The following ARHGEF12 variants were observed in gnomAD, a reference collection of about 807,000 sequenced individuals.
ARHGEF12 encodes the protein Rho guanine nucleotide exchange factor 12, also known as KMT2A/ARHGEF12 fusion protein.
A neutral mutation model predicts 211.2 loss-of-function variants in ARHGEF12; 66 were observed. That is an observed-to-expected ratio of 0.31 (90% CI 0.26 to 0.38). The LOEUF (loss-of-function observed/expected upper bound fraction) is 0.38, where lower values mean the gene tolerates loss of function less well. ARHGEF12 is among the 10% of genes least tolerant of loss of function. ARHGEF12 has a pLI of 1.00. For missense variants in ARHGEF12, 1,429 were observed against 1,869.5 expected (o/e 0.76, Z 4.34); for synonymous variants, 592 against 638.4 (o/e 0.93, Z 1.09).
chr11:120,459,062 A>T (rs1452352619), intron 25 of ARHGEF12, 112 bp from the exon 26 acceptor site: 1 of 904,776 alleles, frequency 1.1e-6, no homozygotes, highest in Admixed American at 3.9e-5. Context: ...TTTCTAAATG[A>T]TAAATAATTT....
chr11:120,440,094 T>C (rs1258583482), intron 12 of ARHGEF12, 35 bp from the exon 13 acceptor site: 1 of 1,476,932 alleles, frequency 6.8e-7, no homozygotes, highest in Non-Finnish European at 9.4e-7. Context: ...GACCACCAGG[T>C]AATTTTTCTG....
chr11:120,422,078 G>A (rs908964885), intron 6 of ARHGEF12, among the ~76,000 whole-genome samples: 2 of 152,238 alleles, frequency 1.3e-5, no homozygotes, highest in Admixed American at 6.5e-5. Flanking sequence ...ATGTTCTTGA[G>A]TAGGAGAGTA....
intron 13 of ARHGEF12, among the ~76,000 whole-genome samples, chr11:120,441,012 C>T (rs1036126928): frequency 3.9e-5 from 6 of 152,094 alleles, no homozygotes; most frequent in African/African-American, 9.7e-5. Context: ...AAACTAGTCT[C>T]GCATTCCTGG....
At chr11:120,441,974 G>T in intron 14 of ARHGEF12, 130 bp from the exon 15 acceptor site, 1 of 862,250 alleles carries the variant, frequency 1.2e-6, no homozygotes, top group Non-Finnish European at 1.8e-6. Context: ...TAAAGACTTG[G>T]TTATATAGTA....
intron 27 of ARHGEF12, chr11:120,465,011 A>C (rs891269239): frequency 1.1e-5 from 6 of 535,928 alleles, no homozygotes; most frequent in African/African-American, 9.8e-5. Context: ...CTCAAAAAAA[A>C]GAAAAAAAAA....
intron 10 of ARHGEF12, 117 bp downstream of exon 10, chr11:120,429,948 A>C: frequency 9.8e-6 from 11 of 1,119,960 alleles, no homozygotes; most frequent in Non-Finnish European, 1.4e-5. Context: ...GTAGGACAAC[A>C]GGATGTCCTG....
Position 120,432,876 on chromosome 11 carries a change from C to A in ARHGEF12, c.924+965C>A, listed in dbSNP as rs1393482510. Among the ~76,000 whole-genome samples, 3 of 152,040 alleles carry A rather than the reference C, an allele frequency of 2.0e-5. No individual in the cohort carries two copies. The East Asian group carries it at 5.8e-4, about 29-fold the overall frequency. ...GAGGCTTAGGCCCAATGACCCAGTT[C>A]CTCATGCAAAAAACAAACTGAGGAT... On this transcript the variant is annotated intron_variant, in intron 11 of 40. Transcript: ENST00000397843.
intron 38 of ARHGEF12, 150 bp from the exon 39 acceptor site, chr11:120,481,110 A>C (rs1475404291): frequency 7.0e-6 from 5 of 716,264 alleles, no homozygotes; most frequent in Non-Finnish European, 1.1e-5. Flanking sequence ...TGAAGTGAGG[A>C]AATTCTGATG....
At chr11:120,361,296 G>A (rs746914479) in intron 1 of ARHGEF12, among the ~76,000 whole-genome samples, 30 of 152,142 alleles carry the variant, frequency 2.0e-4, no homozygotes, top group Admixed American at 5.2e-4. Flanking sequence ...ATAGGAGTGC[G>A]AACCCTGTTG....
intron 1 of ARHGEF12, among the ~76,000 whole-genome samples, chr11:120,354,796 G>C (rs1943085682): frequency 6.6e-6 from 1 of 152,194 alleles, no homozygotes; most frequent in African/African-American, 2.4e-5. Context: ...AATTTTACTA[G>C]GTTTGGGATT....
chr11:120,351,435 ATATATATATATATATATATATTTTTT>A (rs1398000303), intron 1 of ARHGEF12, among the ~76,000 whole-genome samples: 23 of 3,122 alleles, frequency 7.4e-3, no homozygotes, highest in Admixed American at 0.014. Context: ...ATATATATAT[ATATATATATATATATATATATTTTTT>A]TTTTTTTTTT....
chr11:120,436,028 T>C (rs1945683920), intron 11 of ARHGEF12, among the ~76,000 whole-genome samples: 1 of 152,254 alleles, frequency 6.6e-6, no homozygotes, highest in Non-Finnish European at 1.5e-5. Context: ...TAAATACTTC[T>C]CTTGATTCTT....
Position 120,424,326 on chromosome 11 carries a change from A to T in ARHGEF12, c.349-32A>T, listed in dbSNP as rs778240181. 5.4e-5 allele frequency: 83 copies of T among 1,550,750 alleles called. No individual in the cohort carries two copies. In the Middle Eastern group the frequency reaches 1.3e-3, roughly 25 times the overall value. On this transcript the variant is annotated intron_variant, in intron 6 of 40. Coordinates refer to ENST00000397843, the MANE Select transcript of ARHGEF12 (RefSeq NM_015313.3). ...TTTATCCATTGTCTCAATAGAATGT[A>T]TCTGACATACACTACTTTCGTTTTC...
At position 120,446,525 on chromosome 11, in the gene ARHGEF12, A is replaced by G. The variant is rs2135814276; in HGVS notation, c.1451+17A>G. 6.5e-7 allele frequency: 1 copy of G among 1,545,634 alleles called. No homozygotes were observed. Among genetic ancestry groups the G allele is most frequent in the Non-Finnish European group, 8.8e-7 (1 of 1,134,936 alleles). On this transcript the variant is annotated intron_variant, in intron 17 of 40. Coordinates refer to ENST00000397843, the MANE Select transcript of ARHGEF12 (RefSeq NM_015313.3). The stretch of plus-strand genomic sequence containing the variant: ...AGATTTTCGGTAAGCTTAGTGGTAG[A>G]TAGAATTTCATATGATTATTCTAAA...
At chr11:120,477,157 A>G (rs896202986) in intron 34 of ARHGEF12, 62 bp from the exon 35 acceptor site, 1 of 1,344,672 alleles carries the variant, frequency 7.4e-7, no homozygotes, top group African/African-American at 1.5e-5. Context: ...CTTTCTGAGT[A>G]TATTTAAAGG....
rs770720148 is a variant in ARHGEF12, at chr11:120,451,562, A to G, written c.1894A>G (p.Thr632Ala). 4 of 1,614,122 alleles carry G rather than the reference A, an allele frequency of 2.5e-6. No individual in the cohort carries two copies. The highest frequency in any genetic ancestry group is 2.2e-5 in the East Asian group (1 of 44,874). ...QKARHPKHLS[T>A]PSSVSPEPQD... ...GGCGCGCCACCCTAAGCACTTATCC[A>G]CACCCTCATCTGTGAGTCCTGAACC... The change falls in exon 22 of 41, where the codon ACA becomes GCA. Residue 632 changes from threonine (T) to alanine (A), a missense_variant. Thr to Ala is a moderately conservative substitution (Grantham distance 58, BLOSUM62 0). This residue lies in a region of ARHGEF12 where 373 missense variants were observed against 467.5 expected (regional missense o/e 0.80). Coordinates refer to ENST00000397843, the MANE Select transcript of ARHGEF12 (RefSeq NM_015313.3).
At chr11:120,348,450 T>C (rs940044605) in intron 1 of ARHGEF12, among the ~76,000 whole-genome samples, 20 of 152,196 alleles carry the variant, frequency 1.3e-4, no homozygotes, top group Admixed American at 1.2e-3. Flanking sequence ...CTGAAACTTT[T>C]TGGGTGCCAT....
At chr11:120,421,455 T>TTTTTTTTTTTTTG (rs1555109035) in intron 5 of ARHGEF12, among the ~76,000 whole-genome samples, 1 of 99,926 alleles carries the variant, frequency 1.0e-5, no homozygotes, top group East Asian at 2.6e-4. Flanking sequence ...TTTTTTTTTT[T>TTTTTTTTTTTTTG]GGAGATGGAG....
chr11:120,422,124 G>C (rs1396901713), intron 6 of ARHGEF12, among the ~76,000 whole-genome samples: 1 of 152,190 alleles, frequency 6.6e-6, no homozygotes, highest in Non-Finnish European at 1.5e-5. Flanking sequence ...GTCTAGATTA[G>C]TCTGTTATTA....
Sources: allele counts gnomAD v4.1 joint callset (sites outside exome capture counted in the v4.1 genomes callset), GRCh38; gene constraint gnomAD v4.1.1; regional missense constraint gnomAD v4.1.1; transcripts MANE v1.5; gene names NCBI Gene and HGNC (gene_info 2026-07-23, HGNC 2026-07-21).